CHRND: variants seen among roughly 807,000 people sequenced by gnomAD.
The protein encoded by CHRND is acetylcholine receptor subunit delta.
A neutral mutation model predicts 57.8 loss-of-function variants in CHRND; 40 were observed. That is an observed-to-expected ratio of 0.69 (90% CI 0.54 to 0.90). The LOEUF (loss-of-function observed/expected upper bound fraction) is 0.90, where lower values mean the gene tolerates loss of function less well. CHRND is among the 40% of genes least tolerant of loss of function. CHRND has a pLI of 0.00. For missense variants in CHRND, 634 were observed against 673.9 expected (o/e 0.94, Z 0.66); for synonymous variants, 237 against 270.6 (o/e 0.88, Z 1.22).
At chr2:232,530,696 G>T (rs892794664) in intron 7 of CHRND, among the ~76,000 whole-genome samples, 1 of 152,204 alleles carries the variant, frequency 6.6e-6, no homozygotes, top group Non-Finnish European at 1.5e-5. Context: ...TCTGCAGTGG[G>T]GTTGGGAGGG....
At position 232,526,521 on chromosome 2, in the gene CHRND, C is replaced by T. The variant is rs776233680; in HGVS notation, c.53-8C>T. Reference sequence around the variant, plus strand: ...CCCCATTCAGTCCTTGTCGCTGACCCTCCCCAGGCAGCTGGGGGCTGAACG... The same window carrying T: ...CCCCATTCAGTCCTTGTCGCTGACCTTCCCCAGGCAGCTGGGGGCTGAACG... On this transcript the variant is annotated splice_region_variant and splice_polypyrimidine_tract_variant and intron_variant, in intron 1 of 11. Transcript: ENST00000258385. 3 of 1,613,474 alleles carry T rather than the reference C, an allele frequency of 1.9e-6. No individual in the cohort carries two copies. Among genetic ancestry groups the T allele is most frequent in the African/African-American group, 2.7e-5 (2 of 74,944 alleles).
At chr2:232,534,518 C>T (rs1691819505) in intron 11 of CHRND, among the ~76,000 whole-genome samples, 176 bp downstream of exon 11, 1 of 152,030 alleles carries the variant, frequency 6.6e-6, no homozygotes, top group African/African-American at 2.4e-5. Context: ...GCCTGGCACC[C>T]TATAGCAGCA....
At chr2:232,530,203 A>G in intron 7 of CHRND, 64 bp downstream of exon 7, 1 of 1,533,158 alleles carries the variant, frequency 6.5e-7, no homozygotes, top group Non-Finnish European at 9.0e-7. Flanking sequence ...AGCCAGCCCC[A>G]GCCCTGCCCC....
intron 9 of CHRND, 61 bp from the exon 10 acceptor site, chr2:232,533,870 C>T (rs867681080): frequency 3.0e-5 from 46 of 1,522,842 alleles, no homozygotes; most frequent in Non-Finnish European, 3.9e-5. Flanking sequence ...AATGAGACTC[C>T]GTCTCAAAAA....
chr2:232,532,254 G>T (rs1691730335), intron 9 of CHRND, among the ~76,000 whole-genome samples: 1 of 151,964 alleles, frequency 6.6e-6, no homozygotes, highest in African/African-American at 2.4e-5. Flanking sequence ...GATCACCTGA[G>T]GTCAAGAGTT....
intron 5 of CHRND, 94 bp downstream of exon 5, chr2:232,528,750 C>T: frequency 6.3e-7 from 1 of 1,597,402 alleles, no homozygotes; most frequent in South Asian, 1.1e-5. Flanking sequence ...GGCCCCTGCC[C>T]TGTCTGGATT....
intron 9 of CHRND, among the ~76,000 whole-genome samples, chr2:232,532,309 A>G (rs1336353459): frequency 6.6e-6 from 1 of 151,796 alleles, no homozygotes; most frequent in Non-Finnish European, 1.5e-5. Flanking sequence ...CTCTACTAAA[A>G]ATTCAAAAAT....
At position 232,534,062 on chromosome 2, in the gene CHRND, C is replaced by G. The variant is rs1337877499; in HGVS notation, c.1179C>G (p.Leu393=). ...CCAAGGCCGAGGAGTACTTCCTGCT[C>G]AAGTCCCGCAGTGACCTCATGTTCG... ...YISKAEEYFL[L]KSRSDLMFEK... is the part of the protein sequence containing the mutation. Residue 393 remains leucine, a synonymous_variant, in exon 10 of 12, where the codon CTC becomes CTG. Coordinates refer to ENST00000258385, the MANE Select transcript of CHRND (RefSeq NM_000751.3). 1 of 1,614,136 alleles carries G rather than the reference C, an allele frequency of 6.2e-7. No homozygotes were observed. Among genetic ancestry groups the G allele is most frequent in the South Asian group, 1.1e-5 (1 of 91,086 alleles).
chr2:232,532,430 T>C (rs1691738231), intron 9 of CHRND, among the ~76,000 whole-genome samples: 1 of 138,156 alleles, frequency 7.2e-6, no homozygotes, highest in Non-Finnish European at 1.5e-5. Context: ...ATCTCACCAC[T>C]GCACTCCAGC....
intron 2 of CHRND, 101 bp from the exon 3 acceptor site, chr2:232,527,300 T>C (rs1471037975): frequency 4.2e-5 from 45 of 1,062,176 alleles, no homozygotes; most frequent in Non-Finnish European, 4.0e-5. Context: ...AGCAAGACCC[T>C]GGAAAAAAAA....
At chr2:232,529,856 G>A in intron 6 of CHRND, 83 bp from the exon 7 acceptor site, 3 of 1,491,546 alleles carry the variant, frequency 2.0e-6, no homozygotes, top group Non-Finnish European at 1.8e-6. Context: ...GGCTTGCCCT[G>A]CCCAGCCCCT....
At chr2:232,526,458 C>T in intron 1 of CHRND, 71 bp from the exon 2 acceptor site, 1 of 1,607,756 alleles carries the variant, frequency 6.2e-7, no homozygotes, top group Admixed American at 1.7e-5. Context: ...TCCAGCAGGA[C>T]CTCAGGGCAG....
chr2:232,535,128 A>G lies in CHRND; in HGVS notation c.1372-2A>G. 2 of 1,614,016 alleles carry G rather than the reference A, an allele frequency of 1.2e-6. No individual in the cohort carries two copies. Among genetic ancestry groups the G allele is most frequent in the Non-Finnish European group, 8.5e-7 (1 of 1,180,006 alleles). On this transcript the variant is annotated splice_acceptor_variant, in intron 11 of 11. Coordinates refer to ENST00000258385, the MANE Select transcript of CHRND (RefSeq NM_000751.3). LOFTEE classifies it high-confidence loss of function. ...CCCCACTCTCTCTGCCCCTACCCACAGGAGAAAGACAGCTGGAACCGAGTG... is the reference window on the plus strand; with the variant it reads ...CCCCACTCTCTCTGCCCCTACCCACGGGAGAAAGACAGCTGGAACCGAGTG...
At position 232,531,468 on chromosome 2, in the gene CHRND, G is replaced by T. The variant is rs797045474; in HGVS notation, c.932+5G>T. ...GGCCATCCCCCTTATCGGCAAGTGA[G>T]TGACGCTCAAGCCCGGCCTCACCCT... On this transcript the variant is annotated splice_donor_5th_base_variant and intron_variant, in intron 8 of 11. Coordinates refer to ENST00000258385, the MANE Select transcript of CHRND (RefSeq NM_000751.3). The T allele has an allele frequency of 2.5e-6, 4 of 1,613,934 alleles. No homozygotes were observed. The South Asian group carries it at 4.4e-5, about 18-fold the overall frequency.
chr2:232,526,327 C>A, intron 1 of CHRND, 60 bp downstream of exon 1: 1 of 1,565,892 alleles, frequency 6.4e-7, no homozygotes. Flanking sequence ...AGGCCCCACA[C>A]CGCATGGCTC....
chr2:232,531,282 TG>T, intron 7 of CHRND, 69 bp from the exon 8 acceptor site: 1 of 792,080 alleles, frequency 1.3e-6, no homozygotes, highest in South Asian at 1.8e-5. Context: ...CTAGGACCGG[TG>T]CCCCAAGGTC....
At chr2:232,534,962 G>A (rs1390931102) in intron 11 of CHRND, among the ~76,000 whole-genome samples, 168 bp from the exon 12 acceptor site, 1 of 152,230 alleles carries the variant, frequency 6.6e-6, no homozygotes, top group Non-Finnish European at 1.5e-5. Context: ...TGTGGCCAGA[G>A]GGGCCTGGGA....
intron 3 of CHRND, among the ~76,000 whole-genome samples, chr2:232,527,974 C>T (rs1574629775): frequency 6.6e-6 from 1 of 152,324 alleles, no homozygotes; most frequent in African/African-American, 2.4e-5. Flanking sequence ...AAAATTGCCA[C>T]TTTATCTTGA....
intron 9 of CHRND, among the ~76,000 whole-genome samples, chr2:232,532,476 C>CAAAA (rs578172115): frequency 1.1e-5 from 1 of 92,522 alleles, no homozygotes; most frequent in Non-Finnish European, 2.1e-5. Flanking sequence ...ACTCTGTCTC[C>CAAAA]AAAAAAAAAA....
Sources: allele counts gnomAD v4.1 joint callset (sites outside exome capture counted in the v4.1 genomes callset), GRCh38; gene constraint gnomAD v4.1.1; transcripts MANE v1.5; gene names NCBI Gene and HGNC (gene_info 2026-07-23, HGNC 2026-07-21).